LOC128092252: variants seen among roughly 807,000 people sequenced by gnomAD.
chr15:50,649,070 G>C, the LOC128092252 span, among the ~76,000 whole-genome samples: 1 of 152,028 alleles, frequency 6.6e-6, no homozygotes, highest in Admixed American at 6.6e-5. Flanking sequence ...CACTGAAATA[G>C]TATAATTAGT....
the LOC128092252 span, among the ~76,000 whole-genome samples, chr15:50,673,060 G>GTATTTATTATTA: frequency 0.024 from 3,696 of 152,006 alleles, 145 homozygotes; most frequent in African/African-American, 0.086. Context: ...CAGTAAGCTA[G>GTATTTATTATTA]CGTTAATTTA....
chr15:50,649,271 G>A, the LOC128092252 span, among the ~76,000 whole-genome samples: 1 of 151,828 alleles, frequency 6.6e-6, no homozygotes, highest in African/African-American at 2.4e-5. Context: ...ACCCTGACTT[G>A]ACAAAAAATT....
the LOC128092252 span, among the ~76,000 whole-genome samples, chr15:50,650,876 T>A: frequency 4.0e-3 from 616 of 152,276 alleles, 5 homozygotes; most frequent in African/African-American, 0.014. Context: ...AATTCACTAT[T>A]GTCAGCATGC....
At chr15:50,665,094 CAT>C in the LOC128092252 span, among the ~76,000 whole-genome samples, 13 of 152,306 alleles carry the variant, frequency 8.5e-5, no homozygotes, top group Admixed American at 5.2e-4. Context: ...CTCAAGCACA[CAT>C]GAGGCATTTA....
chr15:50,668,900 C>T, the LOC128092252 span, among the ~76,000 whole-genome samples: 1 of 152,170 alleles, frequency 6.6e-6, no homozygotes, highest in East Asian at 1.9e-4. Context: ...AAGGCTTTGA[C>T]TGGAATGATG....
At chr15:50,668,618 C>T in the LOC128092252 span, among the ~76,000 whole-genome samples, 2 of 152,178 alleles carry the variant, frequency 1.3e-5, no homozygotes, top group Non-Finnish European at 2.9e-5. Context: ...AGTAATTCTC[C>T]TGCCTCAGCC....
At chr15:50,678,541 TAC>T in the LOC128092252 span, among the ~76,000 whole-genome samples, 2,831 of 136,312 alleles carry the variant, frequency 0.021, 42 homozygotes, top group African/African-American at 0.045. Context: ...TATATATATA[TAC>T]ACACACACAC....
the LOC128092252 span, among the ~76,000 whole-genome samples, chr15:50,658,376 C>T: frequency 6.6e-6 from 1 of 151,558 alleles, no homozygotes; most frequent in Non-Finnish European, 1.5e-5. Context: ...AGTTTAAGAT[C>T]AGCCTGGGCA....
At chr15:50,672,463 A>G in the LOC128092252 span, among the ~76,000 whole-genome samples, 1 of 151,784 alleles carries the variant, frequency 6.6e-6, no homozygotes, top group Non-Finnish European at 1.5e-5. Context: ...CATTCATGTT[A>G]TTGTCCCTCA....
the LOC128092252 span, among the ~76,000 whole-genome samples, chr15:50,655,577 GAA>G: frequency 6.7e-6 from 1 of 148,414 alleles, no homozygotes; most frequent in Admixed American, 6.8e-5. Flanking sequence ...CAAAGGAATA[GAA>G]AAAAAAAATA....
At chr15:50,669,735 C>A in the LOC128092252 span, among the ~76,000 whole-genome samples, 1 of 151,914 alleles carries the variant, frequency 6.6e-6, no homozygotes, top group South Asian at 2.1e-4. Flanking sequence ...TTTAGGCTGA[C>A]CTTGCTTTCT....
At chr15:50,685,972 T>TCC in the LOC128092252 span, among the ~76,000 whole-genome samples, 1 of 152,148 alleles carries the variant, frequency 6.6e-6, no homozygotes, top group African/African-American at 2.4e-5. Flanking sequence ...GTCAAATCCC[T>TCC]CCCTTTTGGT....
At chr15:50,662,790 T>C in the LOC128092252 span, among the ~76,000 whole-genome samples, 1 of 152,162 alleles carries the variant, frequency 6.6e-6, no homozygotes, top group Non-Finnish European at 1.5e-5. Flanking sequence ...AAAATACTGA[T>C]TTCAGTGCTG....
chr15:50,656,521 A>T, the LOC128092252 span, among the ~76,000 whole-genome samples: 1 of 144,632 alleles, frequency 6.9e-6, no homozygotes. Flanking sequence ...TTTTTGGTAG[A>T]CACAGGGTCT....
the LOC128092252 span, among the ~76,000 whole-genome samples, chr15:50,680,421 G>C: frequency 6.6e-6 from 1 of 151,150 alleles, no homozygotes; most frequent in African/African-American, 2.4e-5. Flanking sequence ...AACACAAAAA[G>C]TAGCCCAATG....
At chr15:50,679,530 A>ATGTG in the LOC128092252 span, among the ~76,000 whole-genome samples, 25 of 44,828 alleles carry the variant, frequency 5.6e-4, no homozygotes, top group Non-Finnish European at 9.8e-4. Context: ...ATATATATAT[A>ATGTG]TATATATATT....
the LOC128092252 span, among the ~76,000 whole-genome samples, chr15:50,680,515 G>C: frequency 6.6e-6 from 1 of 151,468 alleles, no homozygotes; most frequent in Non-Finnish European, 1.5e-5. Context: ...TCTGCAATGA[G>C]CCAAGATCGC....
chr15:50,653,155 C>T, the LOC128092252 span, among the ~76,000 whole-genome samples: 2 of 151,858 alleles, frequency 1.3e-5, no homozygotes, highest in Non-Finnish European at 2.9e-5. Flanking sequence ...CCACTCCCCC[C>T]AAAAAGAAAA....
At chr15:50,680,303 G>C in the LOC128092252 span, among the ~76,000 whole-genome samples, 19 of 152,094 alleles carry the variant, frequency 1.2e-4, no homozygotes, top group Non-Finnish European at 2.2e-4. Flanking sequence ...TACTTTAGGA[G>C]GCCAAGGCAG....
Sources: gnomAD v4.1 joint callset for allele counts (sites outside exome capture counted in the v4.1 genomes callset) on GRCh38, gnomAD v4.1.1 for gene constraint, MANE v1.5 for transcripts.